The following BRD8 variants were observed in gnomAD, a reference collection of about 807,000 sequenced individuals.
BRD8 encodes bromodomain-containing protein 8.
In BRD8, 67 loss-of-function variants were observed where a neutral mutation model predicts 143.1. The observed-to-expected ratio is 0.47, with a 90% CI of 0.38 to 0.57. BRD8 has a LOEUF of 0.57. BRD8 is among the 20% of genes least tolerant of loss of function. The probability of loss-of-function intolerance (pLI) is 0.00; values close to 1 mark genes in which losing one functional copy is unlikely to be tolerated. For missense variants in BRD8, 1,103 were observed against 1,503.0 expected (o/e 0.73, Z 4.40); for synonymous variants, 505 against 517.1 (o/e 0.98, Z 0.32).
chr5:138,140,222 T>G (rs1331126096), intron 26 of BRD8, 56 bp from the exon 27 acceptor site: 2 of 1,315,992 alleles, frequency 1.5e-6, no homozygotes, highest in Non-Finnish European at 2.2e-6. Context: ...ACTAAAGTAT[T>G]GCAAGTTTAT....
chr5:138,172,191 G>A, intron 2 of BRD8, 57 bp from the exon 3 acceptor site: 1 of 1,374,960 alleles, frequency 7.3e-7, no homozygotes, highest in Non-Finnish European at 1.0e-6. Flanking sequence ...GGAGAGGTAT[G>A]CTGAGAGTGC....
chr5:138,165,424 C>A lies in BRD8; in HGVS notation c.1279-258G>T, dbSNP rs145167917. Among the ~76,000 whole-genome samples the A allele has an allele frequency of 6.6e-5, 10 of 152,242 alleles. No individual in the cohort carries two copies. In the East Asian group the frequency reaches 1.7e-3, roughly 26 times the overall value. On this transcript the variant is annotated intron_variant, in intron 11 of 26. Coordinates refer to ENST00000254900, the MANE Select transcript of BRD8 (RefSeq NM_139199.2). ...AAGTAGGAGAGTTGTTTAAGTAATT[C>A]TTACTGTAAGAAGCAAAGCAGCCGA...
intron 18 of BRD8, 45 bp downstream of exon 18, chr5:138,160,846 A>C: frequency 6.6e-7 from 1 of 1,518,572 alleles, no homozygotes; most frequent in Non-Finnish European, 8.9e-7. Context: ...CCCTTGAAGT[A>C]TTTTAATTTC....
intron 25 of BRD8, among the ~76,000 whole-genome samples, chr5:138,141,242 G>T (rs1439826309): frequency 6.6e-6 from 1 of 151,712 alleles, no homozygotes; most frequent in African/African-American, 2.4e-5. Flanking sequence ...CAATTCCCCT[G>T]TCTCAGCCTC....
At chr5:138,168,479 G>T in intron 8 of BRD8, 2 of 1,604,384 alleles carry the variant, frequency 1.2e-6, no homozygotes, top group Non-Finnish European at 8.5e-7. Flanking sequence ...CCAGTCTGGG[G>T]CTAGTAGGCA....
Position 138,174,156 on chromosome 5 carries a change from TTGTG to T in BRD8, c.117-2026_117-2023del, listed in dbSNP as rs56254005. Among the ~76,000 whole-genome samples, 30 of 149,600 alleles carry T rather than the reference TTGTG, an allele frequency of 2.0e-4. No homozygotes were observed. In the South Asian group the frequency reaches 4.6e-3, roughly 23 times the overall value. ...TTTTTTATGGCTCAACAGTATTCCA[TTGTG>T]TGTGTGTGTGTGTGTGTGTGTATAC... On this transcript the variant is annotated intron_variant, in intron 2 of 26. Coordinates refer to ENST00000254900, the MANE Select transcript of BRD8 (RefSeq NM_139199.2).
At chr5:138,159,844 A>G (rs1266504973) in intron 19 of BRD8, among the ~76,000 whole-genome samples, 1 of 152,254 alleles carries the variant, frequency 6.6e-6, no homozygotes, top group Non-Finnish European at 1.5e-5. Flanking sequence ...AGAGGAATTA[A>G]TAATTCCCCT....
At position 138,166,686 on chromosome 5, in the gene BRD8, G is replaced by C. The variant is rs1292851938; in HGVS notation, c.829C>G (p.Gln277Glu). The C allele has an allele frequency of 6.2e-7, 1 of 1,613,780 alleles. No individual in the cohort carries two copies. The highest frequency in any genetic ancestry group is 8.5e-7 in the Non-Finnish European group (1 of 1,179,838). Residue 277 changes from glutamine (Q) to glutamate (E), a missense_variant, in exon 10 of 27, where the codon CAG becomes GAG. By Grantham distance (29) the Gln-to-Glu change is conservative. Coordinates refer to ENST00000254900, the MANE Select transcript of BRD8 (RefSeq NM_139199.2). ...AAGGAAGCAAGAGGTGTGGTGAACT[G>C]TGTAGGACCAGCTTCTAAAAGCCGG... is the stretch of plus-strand genomic sequence containing the variant. ...LSRLLEAGPT[Q>E]FTTPLASFTT... is the part of the protein sequence containing the mutation.
chr5:138,159,960 T>A (rs1256606445), intron 19 of BRD8, 109 bp downstream of exon 19: 2 of 770,850 alleles, frequency 2.6e-6, no homozygotes, highest in Non-Finnish European at 2.3e-6. Flanking sequence ...TGTCTGTATA[T>A]CATTGGAATC....
chr5:138,151,199 A>G (rs1752356748), intron 21 of BRD8, among the ~76,000 whole-genome samples, 191 bp from the exon 22 acceptor site: 1 of 152,242 alleles, frequency 6.6e-6, no homozygotes, highest in Admixed American at 6.5e-5. Context: ...TGGTGGGGAC[A>G]CTACAGTGAA....
At chr5:138,151,710 C>A (rs1752375724) in intron 21 of BRD8, among the ~76,000 whole-genome samples, 1 of 152,234 alleles carries the variant, frequency 6.6e-6, no homozygotes, top group South Asian at 2.1e-4. Context: ...GTTACCTAGG[C>A]TGGAGTCCAA....
chr5:138,176,874 C>A (rs1754376485), intron 2 of BRD8, among the ~76,000 whole-genome samples: 1 of 151,480 alleles, frequency 6.6e-6, no homozygotes, highest in African/African-American at 2.4e-5. Flanking sequence ...CGCTCGAACG[C>A]AGGAGTTCGA....
chr5:138,145,059 T>C (rs1752093967), intron 25 of BRD8, 118 bp downstream of exon 25: 6 of 1,028,420 alleles, frequency 5.8e-6, no homozygotes, highest in Non-Finnish European at 8.7e-6. Context: ...TAAACTTGTT[T>C]GGCTATGAAA....
intron 23 of BRD8, 76 bp from the exon 24 acceptor site, chr5:138,145,954 G>A (rs1752132075): frequency 8.0e-7 from 1 of 1,244,892 alleles, no homozygotes; most frequent in Non-Finnish European, 1.2e-6. Flanking sequence ...TGGGTAATGA[G>A]GTTTTCTTAA....
At chr5:138,159,951 G>T in intron 19 of BRD8, 118 bp downstream of exon 19, 1 of 734,556 alleles carries the variant, frequency 1.4e-6, no homozygotes, top group Non-Finnish European at 2.4e-6. Context: ...AGATCTATGT[G>T]TCTGTATATC....
intron 21 of BRD8, among the ~76,000 whole-genome samples, chr5:138,151,974 C>T (rs924078605): frequency 7.9e-5 from 12 of 152,222 alleles, no homozygotes; most frequent in Non-Finnish European, 1.6e-4. Context: ...CCTGCCTCAG[C>T]CTCCCGAGCA....
intron 12 of BRD8, 47 bp from the exon 13 acceptor site, chr5:138,164,460 A>G (rs764080655): frequency 1.9e-5 from 30 of 1,546,088 alleles, no homozygotes; most frequent in Non-Finnish European, 2.7e-5. Flanking sequence ...ATAAATCGCT[A>G]TAGCTCACAC....
Position 138,165,926 on chromosome 5 carries a change from A to G in BRD8, c.1180T>C (p.Leu394=), listed in dbSNP as rs1753380134. 1 of 1,614,052 alleles carries G rather than the reference A, an allele frequency of 6.2e-7. No homozygotes were observed. Among genetic ancestry groups the G allele is most frequent in the Non-Finnish European group, 8.5e-7 (1 of 1,180,052 alleles). Residue 394 remains leucine, a synonymous_variant, in exon 11 of 27, where the codon TTA becomes CTA. Transcript: ENST00000254900. The stretch of plus-strand genomic sequence containing the variant: ...ATATCCATCTTCTCAGCCAGATCTA[A>G]TTCTTCCTTCCCATCTATGCTGGGA... ...KAPSIDGKEE[L]DLAEKMDIAV...
chr5:138,175,163 C>G lies in BRD8; in HGVS notation c.116+2408G>C, dbSNP rs561709071. Among the ~76,000 whole-genome samples, 7 of 152,146 alleles carry G rather than the reference C, an allele frequency of 4.6e-5. No homozygotes were observed. In the South Asian group the frequency reaches 1.0e-3, roughly 23 times the overall value. On this transcript the variant is annotated intron_variant, in intron 2 of 26. Transcript: ENST00000254900. The stretch of plus-strand genomic sequence containing the variant: ...CCTCCCAAAGTGCTGGGATTACAGG[C>G]GTGAGCCACTGCGCCCGGCCTTAAA...
Sources: gnomAD v4.1 joint callset for allele counts (sites outside exome capture counted in the v4.1 genomes callset) on GRCh38, gnomAD v4.1.1 for gene constraint, MANE v1.5 for transcripts, NCBI Gene and HGNC (gene_info 2026-07-23, HGNC 2026-07-21) for gene names.